The following PARD3 variants were observed in gnomAD, a reference collection of about 807,000 sequenced individuals.
PARD3 encodes the protein par-3 family cell polarity regulator, also known as partitioning defective 3 homolog.
Under a neutral mutation model 155.4 loss-of-function variants are expected in PARD3, and 75 were observed. The ratio of observed to expected loss-of-function variants is 0.48; its 90% CI spans 0.40 to 0.58. PARD3 has a LOEUF of 0.58. Among genes scored for constraint, PARD3 ranks in the 20% least tolerant of loss-of-function variants. PARD3 has a pLI of 0.00. For synonymous variants in PARD3, 576 were observed against 610.5 expected (o/e 0.94, Z 0.83); for missense variants, 1,642 against 1,721.7 (o/e 0.95, Z 0.82).
At chr10:34,130,995 G>A (rs1221000220) in intron 23 of PARD3, among the ~76,000 whole-genome samples, 3 of 152,106 alleles carry the variant, frequency 2.0e-5, no homozygotes, top group Non-Finnish European at 2.9e-5. Context: ...AGGAGTTTGG[G>A]GCTGCAGTAA....
intron 2 of PARD3, among the ~76,000 whole-genome samples, chr10:34,665,163 C>T (rs984185051): frequency 6.6e-6 from 1 of 152,032 alleles, no homozygotes; most frequent in Non-Finnish European, 1.5e-5. Flanking sequence ...ATTAAGATTT[C>T]CAGAACGTGT....
intron 2 of PARD3, among the ~76,000 whole-genome samples, chr10:34,593,031 C>A (rs557712385): frequency 6.6e-6 from 1 of 152,252 alleles, no homozygotes; most frequent in East Asian, 1.9e-4. Context: ...GGATGCTGCA[C>A]CCATTGTTAA....
chr10:34,137,262 C>T (rs1397720556), intron 22 of PARD3, among the ~76,000 whole-genome samples: 1 of 152,012 alleles, frequency 6.6e-6, no homozygotes, highest in African/African-American at 2.4e-5. Context: ...TCGTGGTGTC[C>T]CTCTTTATGC....
chr10:34,561,645 A>C (rs1393876807), intron 2 of PARD3, among the ~76,000 whole-genome samples: 1 of 151,806 alleles, frequency 6.6e-6, no homozygotes, highest in Admixed American at 6.6e-5. Context: ...TAGCCTCCCG[A>C]GTAGCTGGGA....
At chr10:34,176,761 C>T (rs903352843) in intron 22 of PARD3, among the ~76,000 whole-genome samples, 1 of 152,182 alleles carries the variant, frequency 6.6e-6, no homozygotes, top group African/African-American at 2.4e-5. Context: ...AAAAATATAG[C>T]TTGCAAAGGA....
At chr10:34,276,002 TCTATTGC>T (rs1955859229) in intron 21 of PARD3, among the ~76,000 whole-genome samples, 1 of 152,112 alleles carries the variant, frequency 6.6e-6, no homozygotes, top group Non-Finnish European at 1.5e-5. Context: ...GACATAAATG[TCTATTGC>T]TTTAAACATT....
intron 22 of PARD3, among the ~76,000 whole-genome samples, chr10:34,208,857 A>G (rs1350604643): frequency 6.6e-6 from 1 of 152,194 alleles, no homozygotes; most frequent in African/African-American, 2.4e-5. Flanking sequence ...TGAAAAAATT[A>G]AAAAGGGAGC....
intron 22 of PARD3, among the ~76,000 whole-genome samples, chr10:34,203,903 G>A (rs557959727): frequency 7.9e-5 from 12 of 152,332 alleles, no homozygotes; most frequent in African/African-American, 2.6e-4. Context: ...ATGTGCAAGG[G>A]AAGTTTGGGA....
At chr10:34,562,604 T>C (rs1208856008) in intron 2 of PARD3, among the ~76,000 whole-genome samples, 1 of 152,200 alleles carries the variant, frequency 6.6e-6, no homozygotes, top group Admixed American at 6.5e-5. Context: ...TTCCCACTTT[T>C]ATTTTCTTAG....
intron 4 of PARD3, among the ~76,000 whole-genome samples, chr10:34,467,443 A>T (rs2078080128): frequency 6.6e-6 from 1 of 151,960 alleles, no homozygotes; most frequent in Non-Finnish European, 1.5e-5. Flanking sequence ...CTACAATGAT[A>T]GTAGCATGTC....
Position 34,285,976 on chromosome 10 carries a change from T to C in PARD3, c.3066-1731A>G, listed in dbSNP as rs114559137. 3.1e-3 allele frequency among the ~76,000 whole-genome samples: 476 copies of C among 152,180 alleles called. 2 individuals carry two copies. The highest frequency in any genetic ancestry group is 0.011 in the African/African-American group (459 of 41,536). Reference sequence around the variant, plus strand: ...TCACTGCAGTTGCAAAAAAGAAAAATAGAAAATTCTCCAGAACTGAAATCC... The same window carrying C: ...TCACTGCAGTTGCAAAAAAGAAAAACAGAAAATTCTCCAGAACTGAAATCC... On this transcript the variant is annotated intron_variant, in intron 20 of 24. Coordinates refer to ENST00000374788, the MANE Select transcript of PARD3 (RefSeq NM_001184785.2).
intron 24 of PARD3, among the ~76,000 whole-genome samples, chr10:34,118,865 C>T (rs944867531): frequency 1.3e-5 from 2 of 152,142 alleles, no homozygotes; most frequent in African/African-American, 4.8e-5. Context: ...CAGGAGTCAC[C>T]TGTTTTGGGA....
chr10:34,702,281 G>A (rs1200913527), intron 1 of PARD3, among the ~76,000 whole-genome samples: 1 of 151,944 alleles, frequency 6.6e-6, no homozygotes, highest in African/African-American at 2.4e-5. Context: ...CCTGACCCTG[G>A]GGAATTTCAG....
intron 20 of PARD3, among the ~76,000 whole-genome samples, chr10:34,285,756 T>C (rs970321902): frequency 3.3e-5 from 5 of 152,266 alleles, no homozygotes; most frequent in African/African-American, 1.2e-4. Flanking sequence ...ATCTCATCTG[T>C]TGATTAAAGT....
chr10:34,298,991 T>C (rs1171137949), intron 20 of PARD3, among the ~76,000 whole-genome samples: 1 of 151,788 alleles, frequency 6.6e-6, no homozygotes, highest in African/African-American at 2.4e-5. Context: ...AAGCAAGGAG[T>C]GTCTGCTTTC....
chr10:34,679,944 G>A (rs1027863982), intron 2 of PARD3, among the ~76,000 whole-genome samples: 2 of 152,052 alleles, frequency 1.3e-5, no homozygotes, highest in African/African-American at 4.8e-5. Flanking sequence ...AGGTGGGAGG[G>A]TGCAAGGTGT....
chr10:34,260,399 TG>T (rs1402380071), intron 22 of PARD3, among the ~76,000 whole-genome samples: 1 of 151,886 alleles, frequency 6.6e-6, no homozygotes, highest in East Asian at 1.9e-4. Context: ...CTTGAAGTGG[TG>T]GGGCTGGGAT....
intron 5 of PARD3, among the ~76,000 whole-genome samples, chr10:34,405,626 A>G (rs1844383843): frequency 6.6e-6 from 1 of 152,182 alleles, no homozygotes; most frequent in African/African-American, 2.4e-5. Context: ...GTAGATGTAA[A>G]AAAAGTAGGA....
At chr10:34,631,334 T>C (rs749360465) in intron 2 of PARD3, among the ~76,000 whole-genome samples, 10 of 151,960 alleles carry the variant, frequency 6.6e-5, no homozygotes, top group Admixed American at 1.3e-4. Flanking sequence ...GGCAAGTACA[T>C]TGATTGAAGT....
Sources: gnomAD v4.1 joint callset for allele counts (sites outside exome capture counted in the v4.1 genomes callset) on GRCh38, gnomAD v4.1.1 for gene constraint, MANE v1.5 for transcripts, NCBI Gene and HGNC (gene_info 2026-07-23, HGNC 2026-07-21) for gene names.